The following XKR6 variants were observed in gnomAD, a reference collection of about 807,000 sequenced individuals.
The protein encoded by XKR6 is XK related 6, also known as XK-related protein 6.
Under a neutral mutation model 56.7 loss-of-function variants are expected in XKR6, and 22 were observed. The observed-to-expected ratio is 0.39, with a 90% CI of 0.28 to 0.55. The LOEUF (loss-of-function observed/expected upper bound fraction) is 0.55. XKR6 is among the 20% of genes least tolerant of loss of function. XKR6 has a pLI of 0.66. For missense variants in XKR6, 852 were observed against 889.0 expected, an observed-to-expected ratio of 0.96 and a Z score of 0.53; for synonymous variants, 524 against 387.8, an observed-to-expected ratio of 1.35 and a Z score of -4.13.
At chr8:10,957,447 C>T (rs373456563) in intron 1 of XKR6, among the ~76,000 whole-genome samples, 1 of 152,172 alleles carries the variant, frequency 6.6e-6, no homozygotes, top group East Asian at 1.9e-4. Context: ...CTCAGGGAGC[C>T]TCTTGTGGCC....
At position 11,192,704 on chromosome 8, in the gene XKR6, T is replaced by C. The variant is rs1214737130; in HGVS notation, c.764+7872A>G. ...CCTGTGTGCTTCAAAGCTTCAATAA[T>C]AAAAATTGAGCAAAAATACACACTC... On this transcript the variant is annotated intron_variant, in intron 1 of 2. Coordinates refer to ENST00000416569, the MANE Select transcript of XKR6 (RefSeq NM_173683.4). 2.0e-5 allele frequency among the ~76,000 whole-genome samples: 3 copies of C among 152,232 alleles called. 1 individual carries two copies. In the Middle Eastern group the frequency reaches 0.01, roughly 518 times the overall value.
intron 2 of XKR6, among the ~76,000 whole-genome samples, chr8:10,901,301 C>T (rs920223341): frequency 1.3e-5 from 2 of 152,088 alleles, no homozygotes; most frequent in African/African-American, 4.8e-5. Flanking sequence ...AGTGATCTGC[C>T]CACCTTGGCC....
chr8:11,006,626 T>G (rs1798374901), intron 1 of XKR6, among the ~76,000 whole-genome samples: 1 of 152,172 alleles, frequency 6.6e-6, no homozygotes, highest in African/African-American at 2.4e-5. Context: ...ACATGCAGGC[T>G]GGGCCCAGGG....
intron 2 of XKR6, among the ~76,000 whole-genome samples, chr8:10,924,392 C>G (rs1800812991): frequency 6.6e-6 from 1 of 152,260 alleles, no homozygotes; most frequent in African/African-American, 2.4e-5. Context: ...CTGCTCTGCT[C>G]ACATGGACGA....
chr8:11,093,649 G>C (rs975642074), intron 1 of XKR6, among the ~76,000 whole-genome samples: 4 of 112,850 alleles, frequency 3.5e-5, no homozygotes, highest in East Asian at 3.9e-4. Flanking sequence ...TATTGGAAAA[G>C]GATATAAAAA....
intron 1 of XKR6, among the ~76,000 whole-genome samples, chr8:11,078,804 G>C (rs1271846628): frequency 1.3e-5 from 2 of 152,278 alleles, no homozygotes; most frequent in South Asian, 2.1e-4. Flanking sequence ...AGCCCCACAG[G>C]CCTCCAGTCT....
chr8:11,162,440 A>G (rs1169728716), intron 1 of XKR6, among the ~76,000 whole-genome samples: 1 of 152,226 alleles, frequency 6.6e-6, no homozygotes, highest in South Asian at 2.1e-4. Flanking sequence ...ATCGTGATCA[A>G]TTGTGGAAGG....
intron 1 of XKR6, chr8:11,066,926 C>T (rs1279093388): frequency 6.6e-6 from 1 of 152,198 alleles, no homozygotes; most frequent in African/African-American, 2.4e-5. Flanking sequence ...ATATGTGGGC[C>T]GTTGTCACCT....
intron 1 of XKR6, chr8:11,123,936 C>T (rs1165570789): frequency 4.4e-6 from 2 of 456,032 alleles, no homozygotes; most frequent in African/African-American, 2.0e-5. Flanking sequence ...GCCACCTCAT[C>T]GCAGCAGAGG....
intron 1 of XKR6, among the ~76,000 whole-genome samples, chr8:10,949,295 C>G (rs911871639): frequency 6.6e-6 from 1 of 152,256 alleles, no homozygotes; most frequent in African/African-American, 2.4e-5. Flanking sequence ...AGTGGACTCT[C>G]CATAACTGCC....
chr8:10,922,947 G>T (rs777062872), intron 2 of XKR6, among the ~76,000 whole-genome samples: 4 of 152,150 alleles, frequency 2.6e-5, no homozygotes, highest in African/African-American at 9.7e-5. Flanking sequence ...TCTAGGCCAC[G>T]GTTGCTCATC....
At chr8:11,114,745 G>A (rs944640498) in intron 1 of XKR6, among the ~76,000 whole-genome samples, 20 of 134,252 alleles carry the variant, frequency 1.5e-4, no homozygotes, top group African/African-American at 3.3e-4. Flanking sequence ...GTGTGTGTGT[G>A]TGTGTGTGTG....
chr8:11,178,555 T>TATAC (rs1554479884), intron 1 of XKR6, among the ~76,000 whole-genome samples: 2 of 141,444 alleles, frequency 1.4e-5, no homozygotes, highest in African/African-American at 5.2e-5. Flanking sequence ...AAAATATATA[T>TATAC]ATATATATAT....
At position 11,106,857 on chromosome 8, in the gene XKR6, A is replaced by T. The variant is rs573097815; in HGVS notation, c.764+93719T>A. Among the ~76,000 whole-genome samples, 29 of 148,764 alleles carry T rather than the reference A, an allele frequency of 1.9e-4. 1 individual carries two copies. Among genetic ancestry groups the T allele is most frequent in the East Asian group, 1.9e-3 (10 of 5,184 alleles). On this transcript the variant is annotated intron_variant, in intron 1 of 2. Transcript: ENST00000416569. ...GAGAGTGAGACTTCATCTCAAAAAA[A>T]AAAAAAAATAAAAAAGATACAACGT...
At chr8:11,063,320 T>TA (rs879575972) in intron 1 of XKR6, among the ~76,000 whole-genome samples, 3,256 of 140,876 alleles carry the variant, frequency 0.023, 101 homozygotes, top group African/African-American at 0.077. Context: ...GAACAAAAAG[T>TA]AAAAAAAAAA....
In XKR6 at chr8:10,898,642, C is replaced by T. The variant is rs543757044; in HGVS notation, c.1236G>A (p.Lys412=). The change falls in exon 3 of 3, where the codon AAG becomes AAA. Residue 412 remains lysine (K), a synonymous_variant. Coordinates refer to ENST00000416569, the MANE Select transcript of XKR6 (RefSeq NM_173683.4). The surrounding 1 kb of genome is among the most constrained non-coding windows in gnomAD (Gnocchi z 6.6). ...CCATGTTGAAGAGGATCTCCTCCCA[C>T]TTGGACATGCAGAAGTCTGTTCCGC... ...IHGGTDFCMS[K]WEEILFNMVV... 3.1e-6 allele frequency: 5 copies of T among 1,614,170 alleles called. No homozygotes were observed. The South Asian group carries it at 4.4e-5, about 14-fold the overall frequency.
chr8:11,021,702 C>G (rs1798753231), intron 1 of XKR6, among the ~76,000 whole-genome samples: 1 of 152,102 alleles, frequency 6.6e-6, no homozygotes, highest in African/African-American at 2.4e-5. Flanking sequence ...ATTCTTGGTG[C>G]TTCTTTTCAT....
At chr8:11,192,992 C>CA (rs1243913489) in intron 1 of XKR6, among the ~76,000 whole-genome samples, 3 of 152,186 alleles carry the variant, frequency 2.0e-5, no homozygotes, top group African/African-American at 7.2e-5. Context: ...TTTGTCCTGT[C>CA]TATTTAAGAC....
chr8:11,115,738 T>A (rs1026394167), intron 1 of XKR6, among the ~76,000 whole-genome samples: 1 of 152,208 alleles, frequency 6.6e-6, no homozygotes, highest in South Asian at 2.1e-4. Context: ...GCTAAGCTTG[T>A]GGGAGTTATT....
Sources: gnomAD v4.1 joint callset for allele counts (sites outside exome capture counted in the v4.1 genomes callset) on GRCh38, gnomAD v4.1.1 for gene constraint, Gnocchi (gnomAD v3.1) non-coding constraint, MANE v1.5 for transcripts, NCBI Gene and HGNC (gene_info 2026-07-23, HGNC 2026-07-21) for gene names.